OPCML: variants seen among roughly 807,000 people sequenced by gnomAD.
The protein encoded by OPCML is opioid binding protein/cell adhesion molecule like.
Under a neutral mutation model 37.8 loss-of-function variants are expected in OPCML, and 13 were observed. The ratio of observed to expected loss-of-function variants is 0.34; its 90% CI spans 0.22 to 0.55. The LOEUF (loss-of-function observed/expected upper bound fraction) is 0.55. OPCML is among the 20% of genes least tolerant of loss of function. The probability of loss-of-function intolerance (pLI) is 0.91; values close to 1 mark genes in which losing one functional copy is unlikely to be tolerated. For synonymous variants in OPCML, 176 were observed against 168.8 expected, an observed-to-expected ratio of 1.04 and a Z score of -0.33; for missense variants, 341 against 435.6, an observed-to-expected ratio of 0.78 and a Z score of 1.93.
intron 1 of OPCML, among the ~76,000 whole-genome samples, chr11:133,058,061 C>G (rs1948272635): frequency 6.6e-6 from 1 of 152,196 alleles, no homozygotes; most frequent in South Asian, 2.1e-4. Flanking sequence ...AGCTCCTGGC[C>G]AGTACCTGGC....
At chr11:133,449,923 T>A (rs1000578994) in intron 1 of OPCML, among the ~76,000 whole-genome samples, 4 of 151,750 alleles carry the variant, frequency 2.6e-5, no homozygotes, top group African/African-American at 9.8e-5. Flanking sequence ...ATGAATTGTT[T>A]TGTAGAAAGC....
chr11:132,963,857 G>A (rs1314537119), intron 1 of OPCML, among the ~76,000 whole-genome samples: 1 of 152,020 alleles, frequency 6.6e-6, no homozygotes, highest in Non-Finnish European at 1.5e-5. Context: ...CTAGCTGCAC[G>A]TTAGGGTCGG....
intron 1 of OPCML, among the ~76,000 whole-genome samples, chr11:133,384,514 G>T (rs1200166254): frequency 2.0e-5 from 3 of 152,268 alleles, no homozygotes; most frequent in African/African-American, 7.2e-5. Flanking sequence ...CAGCTCCATG[G>T]TGCTGATTTA....
chr11:132,862,790 T>A (rs538706439), intron 2 of OPCML, among the ~76,000 whole-genome samples: 1 of 152,358 alleles, frequency 6.6e-6, no homozygotes, highest in South Asian at 2.1e-4. Context: ...CCCTGGCAGC[T>A]AAACTCTTCT....
intron 2 of OPCML, among the ~76,000 whole-genome samples, chr11:132,766,940 G>A (rs1238651471): frequency 1.3e-5 from 2 of 152,204 alleles, no homozygotes; most frequent in Admixed American, 1.3e-4. Context: ...ACATGGAAGT[G>A]TTGGAGAAAA....
chr11:132,730,921 C>A (rs1945054831), intron 2 of OPCML, among the ~76,000 whole-genome samples: 1 of 152,186 alleles, frequency 6.6e-6, no homozygotes, highest in African/African-American at 2.4e-5. Context: ...TTGGAAGGAT[C>A]AGCTCAGGAT....
At chr11:133,004,215 T>C (rs539308762) in intron 1 of OPCML, 63 of 985,294 alleles carry the variant, frequency 6.4e-5, no homozygotes, top group Non-Finnish European at 7.5e-5. Context: ...TGCCTGAGAG[T>C]CACTTTCCAT....
At chr11:133,084,069 T>C (rs1219314326) in intron 1 of OPCML, among the ~76,000 whole-genome samples, 1 of 146,554 alleles carries the variant, frequency 6.8e-6, no homozygotes, top group South Asian at 2.1e-4. Flanking sequence ...TCTCTTGACA[T>C]TTTTTTTTTA....
At position 132,808,180 on chromosome 11, in the gene OPCML, G is replaced by A. The variant is rs184267264; in HGVS notation, c.146+134746C>T. Among the ~76,000 whole-genome samples, 46 of 152,342 alleles carry A rather than the reference G, an allele frequency of 3.0e-4. No homozygotes were observed. In the East Asian group the frequency reaches 7.9e-3, roughly 26 times the overall value. Reference sequence around the variant, plus strand: ...AGTTCTCTACCTAATAAGGTTCACAGCTTAGAGAAGGTAGGCCAACATGTC... The same window carrying A: ...AGTTCTCTACCTAATAAGGTTCACAACTTAGAGAAGGTAGGCCAACATGTC... On this transcript the variant is annotated intron_variant, in intron 2 of 7. Transcript: ENST00000524381.
rs138750296 is a variant in OPCML at position 132,758,599 on chromosome 11, T to C, written c.147-101280A>G. ...AGTTCACTCGTGATTTGGCTCTCTG[T>C]TTATCTGTTATTGGTGTATAGGAAT... is the stretch of plus-strand genomic sequence containing the variant. On this transcript the variant is annotated intron_variant, in intron 2 of 7. Transcript: ENST00000524381. Among the ~76,000 whole-genome samples, 213 of 152,296 alleles carry C rather than the reference T, an allele frequency of 1.4e-3. 1 individual carries two copies. Among genetic ancestry groups the C allele is most frequent in the Non-Finnish European group, 2.4e-3 (166 of 68,018 alleles).
intron 1 of OPCML, among the ~76,000 whole-genome samples, chr11:133,313,459 A>G (rs536627651): frequency 5.3e-5 from 8 of 152,340 alleles, no homozygotes; most frequent in Non-Finnish European, 1.0e-4. Context: ...TTTACATGGC[A>G]AAAGGGATTT....
At chr11:132,667,336 G>A (rs1361140479) in intron 2 of OPCML, among the ~76,000 whole-genome samples, 1 of 152,150 alleles carries the variant, frequency 6.6e-6, no homozygotes, top group Non-Finnish European at 1.5e-5. Context: ...CACTAAATCC[G>A]AGTGGGGACC....
chr11:132,709,637 G>T (rs114289942), intron 2 of OPCML, among the ~76,000 whole-genome samples: 1,782 of 152,226 alleles, frequency 0.012, 37 homozygotes, highest in African/African-American at 0.041. Flanking sequence ...CTTGGTTAAG[G>T]TGTTGTCCAC....
chr11:133,372,906 A>C (rs1401653108), intron 1 of OPCML, among the ~76,000 whole-genome samples: 1 of 152,222 alleles, frequency 6.6e-6, no homozygotes, highest in Non-Finnish European at 1.5e-5. Flanking sequence ...ATTAGTTGTT[A>C]CTTTACATAG....
intron 1 of OPCML, among the ~76,000 whole-genome samples, chr11:133,166,920 G>GT (rs2137231586): frequency 6.6e-6 from 1 of 152,320 alleles, no homozygotes; most frequent in Non-Finnish European, 1.5e-5. Flanking sequence ...TAGAAGAAAA[G>GT]TGTGTGATTA....
intron 3 of OPCML, among the ~76,000 whole-genome samples, chr11:132,624,991 A>G (rs1939652783): frequency 6.6e-6 from 1 of 152,158 alleles, no homozygotes; most frequent in Admixed American, 6.5e-5. Flanking sequence ...GCCAGTTGCC[A>G]AAACCTAAAA....
rs144134926 is a variant in OPCML at position 132,463,387 on chromosome 11, A to T, written c.506-26028T>A. Reference sequence around the variant, plus strand: ...AGTGGGCGCCTGGACAGCAATAACAAGCTTTCCAGGAAACTCTAGTGTAGT... The same window carrying T: ...AGTGGGCGCCTGGACAGCAATAACATGCTTTCCAGGAAACTCTAGTGTAGT... On this transcript the variant is annotated intron_variant, in intron 4 of 7. Transcript: ENST00000524381. 2.2e-4 allele frequency among the ~76,000 whole-genome samples: 33 copies of T among 152,346 alleles called. No homozygotes were observed. In the East Asian group the frequency reaches 6.4e-3, roughly 29 times the overall value.
intron 1 of OPCML, among the ~76,000 whole-genome samples, chr11:133,224,390 G>A (rs1939953467): frequency 3.9e-5 from 6 of 152,340 alleles, no homozygotes; most frequent in Admixed American, 1.3e-4. Context: ...CTCCGTGCCC[G>A]AAAAGGGCAG....
At chr11:132,788,377 C>A (rs1168000716) in intron 2 of OPCML, among the ~76,000 whole-genome samples, 15 of 152,194 alleles carry the variant, frequency 9.9e-5, no homozygotes, top group Admixed American at 9.8e-4. Context: ...TCCATCAATT[C>A]TGTCTCCCAA....
Sources: gnomAD v4.1 joint callset for allele counts (sites outside exome capture counted in the v4.1 genomes callset) on GRCh38, gnomAD v4.1.1 for gene constraint, MANE v1.5 for transcripts, NCBI Gene and HGNC (gene_info 2026-07-23, HGNC 2026-07-21) for gene names.